ARFGEF2: variants seen among roughly 807,000 people sequenced by gnomAD.
ARFGEF2 encodes the protein brefeldin A-inhibited guanine nucleotide-exchange protein 2.
ARFGEF2 carries 74 observed loss-of-function variants against 219.9 expected under a neutral mutation model. The ratio of observed to expected loss-of-function variants is 0.34; its 90% CI spans 0.28 to 0.41. The LOEUF is 0.41. Among genes scored for constraint, ARFGEF2 ranks in the 10% least tolerant of loss-of-function variants. The pLI, the probability that ARFGEF2 is intolerant of heterozygous loss-of-function variation, is 1.00. For synonymous variants in ARFGEF2, 733 were observed against 799.2 expected (o/e 0.92, Z 1.40); for missense variants, 1,743 against 2,218.3 (o/e 0.79, Z 4.30).
chr20:48,956,185 G>A (rs1039564041), intron 6 of ARFGEF2, among the ~76,000 whole-genome samples: 2 of 152,188 alleles, frequency 1.3e-5, no homozygotes, highest in Admixed American at 1.3e-4. Flanking sequence ...CAACCATGGG[G>A]CTCTCCCACA....
At chr20:48,962,625 A>T (rs2123390683) in intron 6 of ARFGEF2, among the ~76,000 whole-genome samples, 1 of 152,252 alleles carries the variant, frequency 6.6e-6, no homozygotes. Context: ...AGCAATTGTG[A>T]CTGTTTCTGG....
In ARFGEF2 at chr20:48,988,639, T is replaced by C. The variant is rs2091340088; in HGVS notation, c.2510T>C (p.Ile837Thr). The C allele has an allele frequency of 6.2e-7, 1 of 1,613,566 alleles. No individual in the cohort carries two copies. Among genetic ancestry groups the C allele is most frequent in the Non-Finnish European group, 8.5e-7 (1 of 1,179,816 alleles). The change falls in exon 18 of 39, where the codon ATT becomes ACT. Residue 837 changes from isoleucine (I) to threonine (T), a missense_variant. Ile to Thr is a moderately conservative substitution (Grantham distance 89). Around this residue, in one of 5 missense-constraint regions of ARFGEF2, gnomAD observed 666 missense variants for 955.4 expected, o/e 0.70. Coordinates refer to ENST00000371917, the MANE Select transcript of ARFGEF2 (RefSeq NM_006420.3). ...ATGAAAGAAACAAAAGAGCTAACGA[T>C]TGCAACCAAATCTACTAAGCAGAGT... ...IAMKETKELTIATKSTKQNVA... is the reference protein window; with the variant it reads ...IAMKETKELTTATKSTKQNVA...
intron 3 of ARFGEF2, among the ~76,000 whole-genome samples, chr20:48,942,930 T>G (rs2091002826): frequency 6.6e-6 from 1 of 152,184 alleles, no homozygotes; most frequent in Non-Finnish European, 1.5e-5. Context: ...TGTTGATGCA[T>G]TAACATTGAA....
At chr20:48,923,114 G>T (rs2123253200) in intron 1 of ARFGEF2, among the ~76,000 whole-genome samples, 1 of 152,192 alleles carries the variant, frequency 6.6e-6, no homozygotes. Context: ...ATACTGAAAG[G>T]CAAGAACTAT....
chr20:48,948,354 C>T (rs1361861593), intron 3 of ARFGEF2, among the ~76,000 whole-genome samples: 2 of 152,148 alleles, frequency 1.3e-5, no homozygotes, highest in Non-Finnish European at 2.9e-5. Context: ...TATGACGTGT[C>T]ATGCCACCAT....
intron 1 of ARFGEF2, among the ~76,000 whole-genome samples, chr20:48,924,762 C>T (rs1023287034): frequency 4.0e-4 from 61 of 151,606 alleles, no homozygotes; most frequent in African/African-American, 1.5e-3. Context: ...TAGATGTTAG[C>T]TAGGAGTGTA....
At chr20:48,958,884 G>A (rs932004532) in intron 6 of ARFGEF2, among the ~76,000 whole-genome samples, 5 of 152,232 alleles carry the variant, frequency 3.3e-5, no homozygotes, top group African/African-American at 1.2e-4. Flanking sequence ...CAAGGGAAGG[G>A]AGTCGATTGG....
chr20:48,998,575 G>A, intron 25 of ARFGEF2, 70 bp downstream of exon 25: 1 of 1,531,204 alleles, frequency 6.5e-7, no homozygotes, highest in Non-Finnish European at 8.9e-7. Flanking sequence ...TTCAAAAAAA[G>A]AAGTGATAAA....
Position 48,988,536 on chromosome 20 carries a change from G to T in ARFGEF2, c.2407G>T (p.Gly803Cys), listed in dbSNP as rs371043044. The change falls in exon 18 of 39, where the codon GGT (glycine) becomes TGT (cysteine). Residue 803 changes from glycine (G) to cysteine (C), a missense_variant. This residue lies in a region of ARFGEF2 where 666 missense variants were observed against 955.4 expected (regional missense o/e 0.70). Coordinates refer to ENST00000371917, the MANE Select transcript of ARFGEF2 (RefSeq NM_006420.3). ...AGAGCAGTATATTAAAATGAATCGG[G>T]GTATCAATGATAGTAAAGATCTGCC... is the stretch of plus-strand genomic sequence containing the variant. The part of the protein sequence containing the change: ...TKEQYIKMNR[G>C]INDSKDLPEE... The T allele has an allele frequency of 1.9e-6, 3 of 1,613,344 alleles. No homozygotes were observed. Among genetic ancestry groups the T allele is most frequent in the Middle Eastern group, 1.7e-4 (1 of 6,052 alleles).
At chr20:48,954,849 G>A (rs1401157076) in intron 6 of ARFGEF2, among the ~76,000 whole-genome samples, 1 of 151,958 alleles carries the variant, frequency 6.6e-6, no homozygotes, top group East Asian at 1.9e-4. Flanking sequence ...AGAATCCCCC[G>A]GCCCACCCTC....
intron 1 of ARFGEF2, among the ~76,000 whole-genome samples, chr20:48,931,565 A>G (rs907493252): frequency 1.3e-5 from 2 of 152,110 alleles, no homozygotes; most frequent in Admixed American, 6.5e-5. Flanking sequence ...GTAAGGAGAT[A>G]CAGGGTGACA....
intron 1 of ARFGEF2, among the ~76,000 whole-genome samples, chr20:48,925,339 T>G (rs1323667957): frequency 1.3e-5 from 2 of 152,242 alleles, no homozygotes; most frequent in Non-Finnish European, 2.9e-5. Flanking sequence ...TACCTTGTTA[T>G]GAAACTTTGA....
chr20:49,001,016 T>C (rs1409590343), intron 25 of ARFGEF2, among the ~76,000 whole-genome samples: 1 of 150,874 alleles, frequency 6.6e-6, no homozygotes, highest in Non-Finnish European at 1.5e-5. Context: ...ATTTAATCAG[T>C]GCTGTTTAAG....
intron 13 of ARFGEF2, among the ~76,000 whole-genome samples, chr20:48,975,651 A>C (rs1385688366): frequency 6.6e-6 from 1 of 151,998 alleles, no homozygotes; most frequent in African/African-American, 2.4e-5. Flanking sequence ...AATACAAAAA[A>C]TTAGCCGGGT....
At chr20:48,924,803 A>C (rs2090866520) in intron 1 of ARFGEF2, among the ~76,000 whole-genome samples, 1 of 151,786 alleles carries the variant, frequency 6.6e-6, no homozygotes, top group Non-Finnish European at 1.5e-5. Context: ...CTGTGTTCAA[A>C]CCTCCTGCCT....
At chr20:48,978,838 T>C (rs1241341281) in intron 14 of ARFGEF2, among the ~76,000 whole-genome samples, 1 of 152,206 alleles carries the variant, frequency 6.6e-6, no homozygotes, top group African/African-American at 2.4e-5. Flanking sequence ...TCTGAGACTT[T>C]GCTGAAGTTG....
chr20:49,002,333 T>G (rs1405211081), intron 25 of ARFGEF2, among the ~76,000 whole-genome samples: 3 of 152,226 alleles, frequency 2.0e-5, no homozygotes, highest in Non-Finnish European at 4.4e-5. Flanking sequence ...CTCACATTGT[T>G]GGGCAACAGA....
chr20:49,019,079 A>G lies in ARFGEF2; in HGVS notation c.4624+81A>G, dbSNP rs536578192. ...ATTCAGAAGGCACAAAAGGGTAAAC[A>G]TGATAAGCCTTCTTCTGCCCTGTGC... On this transcript the variant is annotated intron_variant, in intron 34 of 38. Transcript: ENST00000371917. The G allele has an allele frequency of 2.8e-4, 333 of 1,189,386 alleles. 5 individuals carry two copies. In the South Asian group the frequency reaches 2.9e-3, roughly 10 times the overall value. 73.7% of individuals were successfully genotyped at this position (1,189,386 alleles called of 1,614,324 possible). A position where few individuals can be genotyped will look rare whatever the true frequency, so the allele number is the denominator to read the frequency against.
chr20:48,989,452 A>C lies in ARFGEF2; in HGVS notation c.2685+16A>C. ...AATGTTCAAAGTGAGTATCCTGAGA[A>C]CTTAGCAAGCATGTGGCTAAGCCTG... is the stretch of plus-strand genomic sequence containing the variant. On this transcript the variant is annotated intron_variant, in intron 19 of 38. Coordinates refer to ENST00000371917, the MANE Select transcript of ARFGEF2 (RefSeq NM_006420.3). 1 of 1,614,232 alleles carries C rather than the reference A, an allele frequency of 6.2e-7. No individual in the cohort carries two copies. Among genetic ancestry groups the C allele is most frequent in the Non-Finnish European group, 8.5e-7 (1 of 1,180,034 alleles).
Sources: allele counts gnomAD v4.1 joint callset (sites outside exome capture counted in the v4.1 genomes callset), GRCh38; gene constraint gnomAD v4.1.1; regional missense constraint gnomAD v4.1.1; transcripts MANE v1.5; gene names NCBI Gene and HGNC (gene_info 2026-07-23, HGNC 2026-07-21).